RBM33: variants seen among roughly 807,000 people sequenced by gnomAD.
RBM33 encodes RNA-binding protein 33.
In RBM33, 28 loss-of-function variants were observed where a neutral mutation model predicts 132.6. The observed-to-expected ratio is 0.21, with a 90% CI of 0.16 to 0.29. The LOEUF is 0.29. RBM33 is among the 10% of genes least tolerant of loss of function. The pLI, the probability that RBM33 is intolerant of heterozygous loss-of-function variation, is 1.00. For synonymous variants in RBM33, 634 were observed against 593.0 expected (o/e 1.07, Z -1.01); for missense variants, 1,291 against 1,518.5 (o/e 0.85, Z 2.49).
intron 1 of RBM33, among the ~76,000 whole-genome samples, chr7:155,662,398 T>C (rs1427553253): frequency 6.6e-6 from 1 of 152,134 alleles, no homozygotes. Context: ...TACCACTCTC[T>C]TCCCAGTTAG....
intron 13 of RBM33, among the ~76,000 whole-genome samples, chr7:155,742,813 C>G (rs966680750): frequency 6.6e-6 from 1 of 152,228 alleles, no homozygotes; most frequent in Non-Finnish European, 1.5e-5. Flanking sequence ...TCTTCTCCCA[C>G]AAGCCTCAGT....
At chr7:155,716,982 C>T (rs752101804) in intron 8 of RBM33, among the ~76,000 whole-genome samples, 29 of 151,910 alleles carry the variant, frequency 1.9e-4, no homozygotes, top group East Asian at 1.3e-3. Flanking sequence ...GTGGGAAGTG[C>T]GATGTCAATT....
At chr7:155,737,210 G>A (rs1278208499) in intron 9 of RBM33, among the ~76,000 whole-genome samples, 3 of 151,978 alleles carry the variant, frequency 2.0e-5, no homozygotes, top group African/African-American at 7.3e-5. Flanking sequence ...TACTATACAG[G>A]CTAGGTGTGT....
At chr7:155,765,484 G>A (rs1427660499) in intron 15 of RBM33, among the ~76,000 whole-genome samples, 1 of 152,126 alleles carries the variant, frequency 6.6e-6, no homozygotes, top group African/African-American at 2.4e-5. Context: ...TTCCTTTTGT[G>A]TGCGTGCACA....
intron 5 of RBM33, among the ~76,000 whole-genome samples, chr7:155,690,665 G>A (rs1300156164): frequency 6.6e-6 from 1 of 152,072 alleles, no homozygotes; most frequent in East Asian, 1.9e-4. Flanking sequence ...CAGGCCTGGT[G>A]GTGACAAAAT....
intron 1 of RBM33, among the ~76,000 whole-genome samples, chr7:155,650,010 A>T (rs1279329344): frequency 6.6e-6 from 1 of 152,110 alleles, no homozygotes; most frequent in Non-Finnish European, 1.5e-5. Flanking sequence ...CCCATTATAC[A>T]TGGGAGCCCC....
At chr7:155,672,598 T>C (rs1012800286) in intron 2 of RBM33, among the ~76,000 whole-genome samples, 2 of 151,978 alleles carry the variant, frequency 1.3e-5, no homozygotes, top group African/African-American at 4.8e-5. Context: ...CTACTAAAGA[T>C]ACACAAAATT....
At position 155,756,362 on chromosome 7, in the gene RBM33, C is replaced by T. The variant is rs1458215111; in HGVS notation, c.2980-7450C>T. On this transcript the variant is annotated intron_variant, in intron 14 of 17. Transcript: ENST00000401878. ...GGCTTGGTTCTTATTCAAATCTTGT[C>T]TGTATGTGTGAGTATAGGTATAAAA... Among the ~76,000 whole-genome samples, 3 of 152,158 alleles carry T rather than the reference C, an allele frequency of 2.0e-5. No individual in the cohort carries two copies. The East Asian group carries it at 5.8e-4, about 29-fold the overall frequency.
intron 7 of RBM33, among the ~76,000 whole-genome samples, chr7:155,708,042 A>G (rs929891094): frequency 1.3e-5 from 2 of 152,252 alleles, no homozygotes; most frequent in African/African-American, 4.8e-5. Context: ...TAATACAAAT[A>G]TGTGTCCACT....
intron 9 of RBM33, among the ~76,000 whole-genome samples, chr7:155,722,917 AG>A (rs1391989126): frequency 3.9e-5 from 6 of 152,230 alleles, no homozygotes; most frequent in Non-Finnish European, 8.8e-5. Flanking sequence ...GTTAAATACC[AG>A]GTAGTTGGGC....
At position 155,765,963 on chromosome 7, in the gene RBM33, G is replaced by A. The variant is rs1370322104; in HGVS notation, c.3187-504G>A. Reference sequence around the variant, plus strand: ...ATCTGCCTGGGAGGGTTTCAGGGTAGCAAATGTAGTCTCTGCCAGCGGAGT... The same window carrying A: ...ATCTGCCTGGGAGGGTTTCAGGGTAACAAATGTAGTCTCTGCCAGCGGAGT... On this transcript the variant is annotated intron_variant, in intron 15 of 17. Coordinates refer to ENST00000401878, the MANE Select transcript of RBM33 (RefSeq NM_053043.3). Among the ~76,000 whole-genome samples, 3 of 152,312 alleles carry A rather than the reference G, an allele frequency of 2.0e-5. No homozygotes were observed. The East Asian group carries it at 5.8e-4, about 29-fold the overall frequency.
intron 2 of RBM33, among the ~76,000 whole-genome samples, chr7:155,665,959 G>C (rs1253954119): frequency 6.6e-6 from 1 of 152,210 alleles, no homozygotes; most frequent in Non-Finnish European, 1.5e-5. Flanking sequence ...TGAAGCTGCA[G>C]TCAATTTGAA....
chr7:155,651,588 A>AG (rs1470910431), intron 1 of RBM33, among the ~76,000 whole-genome samples: 7 of 151,154 alleles, frequency 4.6e-5, no homozygotes, highest in Non-Finnish European at 1.0e-4. Context: ...TCACCAAAAA[A>AG]AAAAAAAAAA....
At chr7:155,755,918 A>T (rs1354392686) in intron 14 of RBM33, among the ~76,000 whole-genome samples, 1 of 152,206 alleles carries the variant, frequency 6.6e-6, no homozygotes, top group Non-Finnish European at 1.5e-5. Flanking sequence ...AAACTAGTCT[A>T]AAAAGCGATT....
chr7:155,702,000 TC>T lies in RBM33; in HGVS notation c.739+1057del, dbSNP rs376157655. ...CGCTCTTGGCCTAGAAAGTTGTATT[TC>T]TAATGAGTTCCCATGCAATGCTGCT... On this transcript the variant is annotated intron_variant, in intron 6 of 17. Transcript: ENST00000401878. Among the ~76,000 whole-genome samples, 8 of 152,238 alleles carry T rather than the reference TC, an allele frequency of 5.3e-5. No individual in the cohort carries two copies. The East Asian group carries it at 1.5e-3, about 29-fold the overall frequency.
chr7:155,715,056 C>A (rs996214608), intron 8 of RBM33, among the ~76,000 whole-genome samples: 9 of 152,034 alleles, frequency 5.9e-5, no homozygotes, highest in African/African-American at 2.2e-4. Context: ...CCCTGTGTTC[C>A]CCCAAAGTTT....
At chr7:155,677,339 G>C (rs1004491030) in intron 3 of RBM33, among the ~76,000 whole-genome samples, 2 of 151,516 alleles carry the variant, frequency 1.3e-5, no homozygotes, top group African/African-American at 4.9e-5. Context: ...CTCCCGAGTA[G>C]CTGGGACTAC....
intron 9 of RBM33, among the ~76,000 whole-genome samples, chr7:155,732,428 T>G (rs1800982017): frequency 6.6e-6 from 1 of 152,188 alleles, no homozygotes; most frequent in African/African-American, 2.4e-5. Flanking sequence ...CAATATCTGC[T>G]TTTTTAAGCC....
At chr7:155,773,190 C>T (rs1338041967) in intron 16 of RBM33, among the ~76,000 whole-genome samples, 1 of 152,186 alleles carries the variant, frequency 6.6e-6, no homozygotes, top group Admixed American at 6.5e-5. Flanking sequence ...TTCTGGCCAC[C>T]AAAAGTGCCT....
Sources: gnomAD v4.1 joint callset for allele counts (sites outside exome capture counted in the v4.1 genomes callset) on GRCh38, gnomAD v4.1.1 for gene constraint, MANE v1.5 for transcripts, NCBI Gene and HGNC (gene_info 2026-07-23, HGNC 2026-07-21) for gene names.